Variants in IQUB observed in about 807,000 individuals in gnomAD.
IQUB encodes the protein IQ motif and ubiquitin-like domain-containing protein.
In IQUB, 86 loss-of-function variants were observed where a neutral mutation model predicts 86.4. The observed-to-expected ratio is 1.00, with a 90% confidence interval of 0.84 to 1.19. The LOEUF (loss-of-function observed/expected upper bound fraction) is 1.19, where lower values mean the gene tolerates loss of function less well. Ranked by LOEUF, IQUB falls within the 50% of genes most tolerant of loss-of-function variation. The pLI, the probability that IQUB is intolerant of heterozygous loss-of-function variation, is 0.00. For synonymous variants in IQUB, 289 were observed against 304.5 expected (o/e 0.95, Z 0.53); for missense variants, 946 against 916.9 (o/e 1.03, Z -0.41).
chr7:123,465,000 A>G lies in IQUB; in HGVS notation c.1591T>C (p.Cys531Arg). 1 of 1,578,934 alleles carries G rather than the reference A, an allele frequency of 6.3e-7. No homozygotes were observed. Among genetic ancestry groups the G allele is most frequent in the Non-Finnish European group, 8.6e-7 (1 of 1,162,598 alleles). Residue 531 changes from cysteine to arginine, a missense_variant, in exon 10 of 13, where the codon TGT (cysteine) becomes CGT (arginine). Coordinates refer to ENST00000324698, the MANE Select transcript of IQUB (RefSeq NM_178827.5). ...TLKHTVKEHE[C>R]KLTQEILELI... ...TCTAGAATTTCCTGAGTTAGTTTAC[A>G]TTCATGTTCCTATATAAAACACAAA...
chr7:123,475,633 T>A (rs1794716017), intron 8 of IQUB, among the ~76,000 whole-genome samples: 1 of 152,130 alleles, frequency 6.6e-6, no homozygotes, highest in South Asian at 2.1e-4. Flanking sequence ...ACAATAGAAT[T>A]TTAAATAGTT....
chr7:123,484,691 G>A (rs1469612499), intron 7 of IQUB, among the ~76,000 whole-genome samples: 1 of 151,952 alleles, frequency 6.6e-6, no homozygotes, highest in Non-Finnish European at 1.5e-5. Flanking sequence ...GGATGAATCT[G>A]GAGATACATA....
intron 12 of IQUB, among the ~76,000 whole-genome samples, chr7:123,455,319 G>A (rs533603010): frequency 2.6e-5 from 4 of 152,000 alleles, no homozygotes; most frequent in Non-Finnish European, 4.4e-5. Context: ...AACAGTACTA[G>A]AACTCACTCC....
intron 7 of IQUB, among the ~76,000 whole-genome samples, chr7:123,494,721 C>A (rs1000793833): frequency 1.2e-4 from 18 of 151,992 alleles, no homozygotes; most frequent in Non-Finnish European, 1.8e-4. Context: ...TTTTGAAATA[C>A]TTTCATAAAT....
Position 123,496,797 on chromosome 7 carries a change from C to T in IQUB, c.1133G>A (p.Arg378Lys), listed in dbSNP as rs2117170157. Reference protein sequence around the residue: ...RLEWETQQELRKIREKEEWIK... With the variant: ...RLEWETQQELKKIREKEEWIK... ...CCATTCTTCTTTTTCTCTTATCTTC[C>T]TTAGTTCTTGCTGTGTTTCCCATTC... The change falls in exon 7 of 13, where the codon AGG becomes AAG. Residue 378 changes from arginine (R) to lysine (K), a missense_variant. By Grantham distance (26) the Arg-to-Lys change is conservative. Coordinates refer to ENST00000324698, the MANE Select transcript of IQUB (RefSeq NM_178827.5). The T allele has an allele frequency of 6.2e-7, 1 of 1,612,096 alleles. No individual in the cohort carries two copies. The highest frequency in any genetic ancestry group is 8.5e-7 in the Non-Finnish European group (1 of 1,178,756).
chr7:123,512,901 G>A (rs573276005), intron 1 of IQUB, among the ~76,000 whole-genome samples: 3 of 152,288 alleles, frequency 2.0e-5, no homozygotes, highest in Non-Finnish European at 2.9e-5. Context: ...TAGCAACCAC[G>A]AGCTTGGGTC....
chr7:123,514,803 G>C (rs140679414), intron 1 of IQUB, among the ~76,000 whole-genome samples: 2 of 152,120 alleles, frequency 1.3e-5, no homozygotes, highest in African/African-American at 4.8e-5. Flanking sequence ...TCTATGTTCA[G>C]GTATAGATGT....
At chr7:123,500,518 T>C (rs1273942632) in intron 6 of IQUB, among the ~76,000 whole-genome samples, 2 of 152,034 alleles carry the variant, frequency 1.3e-5, no homozygotes, top group African/African-American at 4.8e-5. Context: ...ACAAGAAAGA[T>C]TTAAAATAGT....
At chr7:123,492,718 A>C (rs2117144951) in intron 7 of IQUB, among the ~76,000 whole-genome samples, 1 of 152,222 alleles carries the variant, frequency 6.6e-6, no homozygotes, top group Middle Eastern at 3.4e-3. Flanking sequence ...TGAGTGAATG[A>C]GAAGGGGTAG....
chr7:123,494,859 C>T (rs1396177882), intron 7 of IQUB, among the ~76,000 whole-genome samples: 1 of 152,072 alleles, frequency 6.6e-6, no homozygotes, highest in Non-Finnish European at 1.5e-5. Flanking sequence ...ATTAACACCA[C>T]TAATAAGTAG....
intron 3 of IQUB, among the ~76,000 whole-genome samples, chr7:123,507,870 C>CAAA (rs36049359): frequency 7.6e-6 from 1 of 132,192 alleles, no homozygotes; most frequent in Non-Finnish European, 1.6e-5. Flanking sequence ...GACTCCATCT[C>CAAA]AAAAAAAAAA....
intron 1 of IQUB, among the ~76,000 whole-genome samples, chr7:123,530,795 G>C (rs1797499970): frequency 6.7e-6 from 1 of 149,348 alleles, no homozygotes; most frequent in East Asian, 2.0e-4. Flanking sequence ...TCCTGCCTCA[G>C]CCTCCCCAGT....
intron 8 of IQUB, among the ~76,000 whole-genome samples, chr7:123,475,520 T>C (rs1794710009): frequency 6.6e-6 from 1 of 152,098 alleles, no homozygotes. Context: ...CTCCATAATT[T>C]CAAGAAGTTT....
At chr7:123,456,273 C>T (rs953983870) in intron 12 of IQUB, among the ~76,000 whole-genome samples, 1 of 151,998 alleles carries the variant, frequency 6.6e-6, no homozygotes, top group African/African-American at 2.4e-5. Context: ...ATTGAAGAAG[C>T]ACTGGAATAT....
intron 8 of IQUB, among the ~76,000 whole-genome samples, chr7:123,473,742 A>ATT (rs58043575): frequency 1.5e-3 from 215 of 139,350 alleles, no homozygotes; most frequent in Middle Eastern, 3.6e-3. Context: ...TGCCCGGCTA[A>ATT]TTTTTTTTTT....
chr7:123,471,377 A>G (rs1257611042), intron 8 of IQUB, among the ~76,000 whole-genome samples: 3 of 152,214 alleles, frequency 2.0e-5, no homozygotes, highest in Non-Finnish European at 4.4e-5. Flanking sequence ...AAAAGTTTTT[A>G]AAGGCTAGGG....
chr7:123,529,738 A>AAAAC, intron 1 of IQUB, among the ~76,000 whole-genome samples: 1 of 146,828 alleles, frequency 6.8e-6, no homozygotes, highest in Non-Finnish European at 1.5e-5. Context: ...AAAAAAAAAA[A>AAAAC]AAAAAAAAAA....
chr7:123,489,873 T>C (rs780652910), intron 7 of IQUB, among the ~76,000 whole-genome samples: 7 of 151,950 alleles, frequency 4.6e-5, no homozygotes, highest in Non-Finnish European at 1.0e-4. Context: ...AAAAATCACA[T>C]ATTCTCAAGC....
At chr7:123,500,113 A>T (rs1014246094) in intron 6 of IQUB, among the ~76,000 whole-genome samples, 2 of 152,238 alleles carry the variant, frequency 1.3e-5, no homozygotes, top group African/African-American at 4.8e-5. Context: ...CATATCATCA[A>T]GAAATAACCA....
Sources: gnomAD v4.1 joint callset for allele counts (sites outside exome capture counted in the v4.1 genomes callset) on GRCh38, gnomAD v4.1.1 for gene constraint, MANE v1.5 for transcripts, NCBI Gene and HGNC (gene_info 2026-07-23, HGNC 2026-07-21) for gene names.